TAL1: variants seen among roughly 807,000 people sequenced by gnomAD.
TAL1 encodes T-cell acute lymphocytic leukemia protein 1.
In TAL1, 8 loss-of-function variants were observed where a neutral mutation model predicts 17.9. The ratio of observed to expected loss-of-function variants is 0.45; its 90% CI spans 0.26 to 0.81. The LOEUF is 0.81. Among genes scored for constraint, TAL1 ranks in the 30% least tolerant of loss-of-function variants. The probability of loss-of-function intolerance (pLI) is 0.17; values close to 1 mark genes in which losing one functional copy is unlikely to be tolerated. For synonymous variants in TAL1, 223 were observed against 218.6 expected (o/e 1.02, Z -0.18); for missense variants, 466 against 486.9 (o/e 0.96, Z 0.40).
chr1:47,219,649 A>T, exon 4 of TAL1: 1 of 1,590,558 alleles, frequency 6.3e-7, no homozygotes. Context: ...TTCTCACCCC[A>T]CCTGCCCTGA....
At chr1:47,224,636 A>T (rs1054183048) in intron 2 of TAL1, among the ~76,000 whole-genome samples, 4 of 152,042 alleles carry the variant, frequency 2.6e-5, no homozygotes, top group African/African-American at 9.7e-5. Flanking sequence ...ACAGACAGGA[A>T]ACCCTGACTC....
At chr1:47,220,171 G>C in exon 4 of TAL1, 1 of 1,552,598 alleles carries the variant, frequency 6.4e-7, no homozygotes, top group Middle Eastern at 1.8e-4. Flanking sequence ...TTTGGTGTGG[G>C]GACCTGGAGA....
At chr1:47,220,153 C>T (rs748311044) in exon 4 of TAL1, 3 of 1,579,236 alleles carry the variant, frequency 1.9e-6, no homozygotes, top group African/African-American at 1.4e-5. Context: ...GAAGATACGC[C>T]GCACAACTTT....
chr1:47,224,050 A>AC lies in TAL1; in HGVS notation c.494_495insG (p.Asn165LysfsTer11). 1 of 1,613,898 alleles carries AC rather than the reference A, an allele frequency of 6.2e-7. No individual in the cohort carries two copies. The highest frequency in any genetic ancestry group is 2.2e-5 in the East Asian group (1 of 44,872). ...AGGGGGAAGGTCTCCTCTTCACTCG[A>AC]TTGTTGGTGGTGAACATAGGGAAGG... On this transcript the variant is annotated frameshift_variant, in exon 3 of 4. Coordinates refer to ENST00000294339, the Ensembl canonical transcript of TAL1. LOFTEE classifies it high-confidence loss of function.
exon 4 of TAL1, chr1:47,219,721 C>T (rs758722283): frequency 2.5e-6 from 4 of 1,608,716 alleles, no homozygotes; most frequent in Non-Finnish European, 3.4e-6. Flanking sequence ...CCAGACCCAT[C>T]ACCGAGGGCC....
At chr1:47,216,605 C>T (rs1645499804) in exon 4 of TAL1, 5 of 231,778 alleles carry the variant, frequency 2.2e-5, no homozygotes, top group Admixed American at 1.1e-4. Flanking sequence ...ACAAGTACGG[C>T]CAGACCCACC....
exon 2 of TAL1, chr1:47,225,736 G>T: frequency 6.5e-7 from 1 of 1,527,968 alleles, no homozygotes; most frequent in South Asian, 1.2e-5. Flanking sequence ...CCAGTTCGAT[G>T]ACTGGGGGCT....
chr1:47,231,991 C>A (rs1557684554), upstream of TAL1, among the ~76,000 whole-genome samples: 2 of 151,408 alleles, frequency 1.3e-5, no homozygotes, highest in South Asian at 2.1e-4. Context: ...GCAGCCGGGG[C>A]GGGGGCGTCC....
exon 4 of TAL1, chr1:47,219,001 A>C: frequency 3.6e-6 from 1 of 281,288 alleles, no homozygotes; most frequent in Non-Finnish European, 6.8e-6. Flanking sequence ...AGGGCTGCAG[A>C]CATTGTCTCC....
At chr1:47,227,312 A>G (rs1643927985) in intron 1 of TAL1, 2 of 152,258 alleles carry the variant, frequency 1.3e-5, no homozygotes, top group Non-Finnish European at 2.9e-5. Context: ...GTTGTTTAAA[A>G]TAAGCTTTCT....
At chr1:47,225,810 C>T (rs756110235) in exon 2 of TAL1, 5 of 1,572,632 alleles carry the variant, frequency 3.2e-6, no homozygotes, top group South Asian at 2.2e-5. Flanking sequence ...TGCGGGGGGG[C>T]CATGCTGGCC....
exon 2 of TAL1, chr1:47,225,732 C>T (rs1204066274): frequency 6.6e-7 from 1 of 1,521,056 alleles, no homozygotes; most frequent in East Asian, 2.7e-5. Context: ...GCGCCCAGTT[C>T]GATGACTGGG....
At chr1:47,216,731 G>A (rs1167265558) in exon 4 of TAL1, 1 of 231,424 alleles carries the variant, frequency 4.3e-6, no homozygotes, top group Non-Finnish European at 8.5e-6. Flanking sequence ...AAAAGAATAT[G>A]AATTTGTCTT....
exon 4 of TAL1, chr1:47,217,935 G>C (rs2070929): frequency 0.28 from 109,110 of 396,002 alleles, 16,589 homozygotes; most frequent in East Asian, 0.54. Flanking sequence ...ATTGAATGGA[G>C]AGCCTGAGTG....
exon 4 of TAL1, chr1:47,217,162 C>T (rs2148581846): frequency 4.1e-6 from 1 of 243,608 alleles, no homozygotes. Flanking sequence ...GGAGAATTGC[C>T]TGAAGCCAGG....
At chr1:47,223,696 C>G in intron 3 of TAL1, 1 of 261,092 alleles carries the variant, frequency 3.8e-6, no homozygotes, top group Non-Finnish European at 7.3e-6. Flanking sequence ...GAATGGAGCC[C>G]GGACTGGGGA....
chr1:47,222,774 A>G (rs1376110855), intron 3 of TAL1, among the ~76,000 whole-genome samples: 1 of 151,676 alleles, frequency 6.6e-6, no homozygotes, highest in Non-Finnish European at 1.5e-5. Flanking sequence ...TGCTCGGTAA[A>G]TATTGCCAAC....
At chr1:47,217,982 T>C (rs1569879705) in exon 4 of TAL1, 1 of 384,994 alleles carries the variant, frequency 2.6e-6, no homozygotes, top group African/African-American at 2.1e-5. Context: ...AGCTCGAGAA[T>C]TGGACCTTAC....
In TAL1 at chr1:47,224,026, G is replaced by A. The variant is rs1569905379; in HGVS notation, c.519C>T (p.Pro173=). The A allele has an allele frequency of 6.2e-7, 1 of 1,613,878 alleles. No homozygotes were observed. The highest frequency in any genetic ancestry group is 1.1e-5 in the South Asian group (1 of 91,086). Residue 173 remains proline, a synonymous_variant, in exon 3 of 4, where the codon CCC becomes CCT. Coordinates refer to ENST00000294339, the Ensembl canonical transcript of TAL1. ...CACCATCAGTAATCTCCATCTCATA[G>A]GGGGAAGGTCTCCTCTTCACTCGAT...
Sources: allele counts gnomAD v4.1 joint callset (sites outside exome capture counted in the v4.1 genomes callset), GRCh38; gene constraint gnomAD v4.1.1; transcripts MANE v1.5; gene names NCBI Gene and HGNC (gene_info 2026-07-23, HGNC 2026-07-21).